MVB12B: variants seen among roughly 807,000 people sequenced by gnomAD.
MVB12B encodes multivesicular body subunit 12B, also known as ESCRT-I complex subunit MVB12B.
MVB12B carries 16 observed loss-of-function variants against 41.6 expected under a neutral mutation model. The ratio of observed to expected loss-of-function variants is 0.38; its 90% CI spans 0.26 to 0.58. MVB12B has a LOEUF of 0.58. Among genes scored for constraint, MVB12B ranks in the 20% least tolerant of loss-of-function variants. The probability of loss-of-function intolerance (pLI) is 0.62; values close to 1 mark genes in which losing one functional copy is unlikely to be tolerated. For missense variants in MVB12B, 274 were observed against 380.2 expected, an observed-to-expected ratio of 0.72 and a Z score of 2.32; for synonymous variants, 133 against 139.7, an observed-to-expected ratio of 0.95 and a Z score of 0.34.
chr9:126,338,560 G>A (rs1453967370), intron 1 of MVB12B, among the ~76,000 whole-genome samples: 4 of 140,444 alleles, frequency 2.8e-5, no homozygotes, highest in African/African-American at 1.1e-4. Flanking sequence ...TCTGATAGTA[G>A]AGGCCATACT....
At chr9:126,499,206 G>A (rs576081483) in intron 9 of MVB12B, among the ~76,000 whole-genome samples, 116 of 152,250 alleles carry the variant, frequency 7.6e-4, no homozygotes, top group Admixed American at 1.7e-3. Context: ...CTCTCGCACC[G>A]TGGCCTGAGA....
chr9:126,428,518 C>G (rs1466696707), intron 7 of MVB12B, among the ~76,000 whole-genome samples: 1 of 151,926 alleles, frequency 6.6e-6, no homozygotes, highest in African/African-American at 2.4e-5. Context: ...AAAAAACTCA[C>G]CCGGGAAATT....
chr9:126,408,107 A>G (rs754681286), intron 6 of MVB12B: 1 of 152,228 alleles, frequency 6.6e-6, no homozygotes, highest in African/African-American at 2.4e-5. Context: ...GGAAACTTAC[A>G]GTAAAGGAGC....
chr9:126,486,990 TC>T lies in MVB12B; in HGVS notation c.873+2962del, dbSNP rs1333838880. 1.4e-5 allele frequency among the ~76,000 whole-genome samples: 2 copies of T among 147,886 alleles called. No individual in the cohort carries two copies. The highest frequency in any genetic ancestry group is 3.9e-4 in the East Asian group (2 of 5,118). On this transcript the variant is annotated intron_variant, in intron 9 of 9. Coordinates refer to ENST00000361171, the MANE Select transcript of MVB12B (RefSeq NM_033446.3). The surrounding 1 kb of genome is among the most constrained non-coding windows in gnomAD (Gnocchi z 4.7). ...GGGAACCCTGCAAACCTTATTCTCT[TC>T]CCCACTCTAAGGACTGAAATCTGTG...
chr9:126,440,278 C>G (rs888678385), intron 7 of MVB12B, among the ~76,000 whole-genome samples: 4 of 152,190 alleles, frequency 2.6e-5, no homozygotes, highest in African/African-American at 9.7e-5. Context: ...CATGTGCTAA[C>G]TAGGCCGAAG....
chr9:126,490,778 A>G (rs1245263187), intron 9 of MVB12B, among the ~76,000 whole-genome samples: 2 of 152,238 alleles, frequency 1.3e-5, no homozygotes, highest in Non-Finnish European at 1.5e-5. Context: ...GAAGTTATAA[A>G]TCTAAGGGAG....
intron 7 of MVB12B, among the ~76,000 whole-genome samples, chr9:126,454,018 C>T (rs73668026): frequency 0.04 from 6,067 of 152,210 alleles, 373 homozygotes; most frequent in African/African-American, 0.14. Flanking sequence ...CAGAGAGCAC[C>T]GGGAGACAGG....
At chr9:126,467,833 T>C (rs1564341988) in intron 7 of MVB12B, among the ~76,000 whole-genome samples, 1 of 152,206 alleles carries the variant, frequency 6.6e-6, no homozygotes, top group Non-Finnish European at 1.5e-5. Context: ...TGCCCAGCAC[T>C]GAATCAGCCA....
intron 2 of MVB12B, among the ~76,000 whole-genome samples, chr9:126,344,528 T>A (rs1356557403): frequency 6.6e-6 from 1 of 152,198 alleles, no homozygotes; most frequent in Admixed American, 6.5e-5. Context: ...TTTTTGTTGG[T>A]GACATCTGCG....
Position 126,468,897 on chromosome 9 carries a change from AAG to A in MVB12B, c.758-12471_758-12470del, listed in dbSNP as rs1165923546. On this transcript the variant is annotated intron_variant, in intron 7 of 9. Coordinates refer to ENST00000361171, the MANE Select transcript of MVB12B (RefSeq NM_033446.3). This position sits in a 1 kb window ranked among gnomAD's most constrained non-coding sequence, Gnocchi z 4.3. ...ACCCTACTTCTATGCAACAGTTAAAAAGGCTGAGACACAGAGCTCTAAGAATT... is the reference window on the plus strand; with the variant it reads ...ACCCTACTTCTATGCAACAGTTAAAAGCTGAGACACAGAGCTCTAAGAATT... 6.6e-6 allele frequency among the ~76,000 whole-genome samples: 1 copy of A among 152,262 alleles called. No individual in the cohort carries two copies. The highest frequency in any genetic ancestry group is 1.5e-5 in the Non-Finnish European group (1 of 68,052).
intron 6 of MVB12B, among the ~76,000 whole-genome samples, chr9:126,406,995 T>G (rs971810767): frequency 1.3e-5 from 2 of 152,238 alleles, no homozygotes; most frequent in Admixed American, 6.5e-5. Flanking sequence ...AGGCTGAGAT[T>G]AAGCATTCAT....
At chr9:126,372,226 T>C (rs1830360887) in intron 2 of MVB12B, among the ~76,000 whole-genome samples, 1 of 152,248 alleles carries the variant, frequency 6.6e-6, no homozygotes, top group African/African-American at 2.4e-5. Flanking sequence ...CCATTCCTTT[T>C]ATGACCGAAT....
Position 126,340,722 on chromosome 9 carries a change from AT to A in MVB12B, c.204+93del. ...AGACCTTCTGGCCCTTGCGTGTAAG[AT>A]GTGCTTCTTCCCTCTAGGAACTTAA... On this transcript the variant is annotated intron_variant, in intron 2 of 9. Transcript: ENST00000361171. This position sits in a 1 kb window ranked among gnomAD's most constrained non-coding sequence, Gnocchi z 4.0. The A allele has an allele frequency of 6.9e-7, 1 of 1,444,158 alleles. No homozygotes were observed. Among genetic ancestry groups the A allele is most frequent in the Non-Finnish European group, 9.5e-7 (1 of 1,050,010 alleles). The allele number at this position is 1,444,158 out of a possible 1,614,324, so 89.5% of individuals were successfully genotyped here.
chr9:126,426,766 T>C (rs1832190338), intron 7 of MVB12B: 1 of 152,152 alleles, frequency 6.6e-6, no homozygotes. Flanking sequence ...GATATCTAGA[T>C]TAGGTTCTGA....
At chr9:126,447,707 A>T (rs548013359) in intron 7 of MVB12B, among the ~76,000 whole-genome samples, 1 of 152,304 alleles carries the variant, frequency 6.6e-6, no homozygotes, top group South Asian at 2.1e-4. Flanking sequence ...AGTAGGATGG[A>T]TGGGTATGTA....
At chr9:126,466,772 C>A (rs774581069) in intron 7 of MVB12B, among the ~76,000 whole-genome samples, 3 of 152,148 alleles carry the variant, frequency 2.0e-5, no homozygotes, top group African/African-American at 4.8e-5. Context: ...TGGATATCAA[C>A]CCTGGGATAG....
chr9:126,339,204 T>G (rs890378602), intron 1 of MVB12B, among the ~76,000 whole-genome samples: 1 of 152,218 alleles, frequency 6.6e-6, no homozygotes, highest in Non-Finnish European at 1.5e-5. Flanking sequence ...GCATTTTGAT[T>G]GTTCCTATTT....
Position 126,335,404 on chromosome 9 carries a change from G to A in MVB12B, c.82-5104G>A, listed in dbSNP as rs1159618572. The A allele has an allele frequency of 3.8e-6, 5 of 1,304,216 alleles. No homozygotes were observed. The African/African-American group carries it at 6.1e-5, about 16-fold the overall frequency. The allele number at this position is 1,304,216 out of a possible 1,614,324, so 80.8% of individuals were successfully genotyped here. On this transcript the variant is annotated intron_variant, in intron 1 of 9. Coordinates refer to ENST00000361171, the MANE Select transcript of MVB12B (RefSeq NM_033446.3). ...CTGGCCTCAGCTCTCAGCCTTCTGA[G>A]GAGGTAGGTCTCTGCAACTTTCTGT...
intron 7 of MVB12B, among the ~76,000 whole-genome samples, chr9:126,423,981 A>G (rs1312081584): frequency 6.6e-6 from 1 of 152,180 alleles, no homozygotes; most frequent in African/African-American, 2.4e-5. Flanking sequence ...TTCTGCTGAT[A>G]ATGAAATGAA....
Sources: allele counts gnomAD v4.1 joint callset (sites outside exome capture counted in the v4.1 genomes callset), GRCh38; gene constraint gnomAD v4.1.1; non-coding constraint Gnocchi (gnomAD v3.1); transcripts MANE v1.5; gene names NCBI Gene and HGNC (gene_info 2026-07-23, HGNC 2026-07-21).